Variants in NGLY1 observed in about 807,000 individuals in gnomAD.
NGLY1 encodes the protein peptide-N(4)-(N-acetyl-beta-glucosaminyl)asparagine amidase.
Under a neutral mutation model 84.6 loss-of-function variants are expected in NGLY1, and 68 were observed. The observed-to-expected ratio is 0.80, with a 90% CI of 0.66 to 0.98. NGLY1 has a LOEUF of 0.98. Ranked by LOEUF, NGLY1 falls within the 50% of genes least tolerant of loss-of-function variation. The pLI, the probability that NGLY1 is intolerant of heterozygous loss-of-function variation, is 0.00. For synonymous variants in NGLY1, 280 were observed against 275.2 expected, an observed-to-expected ratio of 1.02 and a Z score of -0.17; for missense variants, 779 against 770.2, an observed-to-expected ratio of 1.01 and a Z score of -0.14.
At position 25,764,299 on chromosome 3, in the gene NGLY1, G is replaced by C. The variant is rs765056703; in HGVS notation, c.259C>G (p.Leu87Val). 29 of 1,613,052 alleles carry C rather than the reference G, an allele frequency of 1.8e-5. No homozygotes were observed. The highest frequency in any genetic ancestry group is 2.4e-5 in the Non-Finnish European group (28 of 1,179,708). ...EMGFEEGETH[L>V]IFPKKASVEQ... ...ACTGAAGCTTTTTTAGGAAAGATGA[G>C]ATGTGTTTCTCCCTGGAATTTATAA... The change falls in exon 3 of 12, where the codon CTC (leucine) becomes GTC (valine). Residue 87 changes from leucine to valine, a missense_variant. Leu to Val is a conservative substitution (Grantham distance 32). Transcript: ENST00000280700.
intron 2 of NGLY1, among the ~76,000 whole-genome samples, chr3:25,772,047 T>C (rs762477723): frequency 2.0e-5 from 3 of 152,220 alleles, no homozygotes; most frequent in African/African-American, 4.8e-5. Flanking sequence ...CTGCTCTGGC[T>C]AGGACTTCCA....
intron 10 of NGLY1, among the ~76,000 whole-genome samples, chr3:25,728,884 T>A (rs1705396989): frequency 6.6e-6 from 1 of 152,092 alleles, no homozygotes; most frequent in Admixed American, 6.6e-5. Flanking sequence ...CATTTGATTA[T>A]TTTTTCCCAT....
Position 25,729,306 on chromosome 3 carries a change from A to G in NGLY1, c.1438T>C (p.Leu480=). ...GEMGLQRKET[L]FIPCENEKIS... ...TTCTCATTTTCACAGGGAATAAACAAGGTTTCTTTTCTCTTAAAAAGAAAG... is the reference window on the plus strand; with the variant it reads ...TTCTCATTTTCACAGGGAATAAACAGGGTTTCTTTTCTCTTAAAAAGAAAG... The change falls in exon 10 of 12, where the codon TTG becomes CTG. Residue 480 remains leucine (L), a synonymous_variant. Transcript: ENST00000280700. The G allele has an allele frequency of 7.1e-7, 1 of 1,403,702 alleles. No individual in the cohort carries two copies. Among genetic ancestry groups the G allele is most frequent in the Non-Finnish European group, 9.4e-7 (1 of 1,065,430 alleles). 87.0% of individuals were successfully genotyped at this position (1,403,702 alleles called of 1,614,324 possible). A position where few individuals can be genotyped will look rare whatever the true frequency, so the allele number is the denominator to read the frequency against.
intron 3 of NGLY1, among the ~76,000 whole-genome samples, chr3:25,762,881 G>C (rs1486141298): frequency 2.0e-5 from 3 of 152,164 alleles, no homozygotes; most frequent in African/African-American, 4.8e-5. Flanking sequence ...TTGAACCCAG[G>C]AGGTGGGGGT....
intron 2 of NGLY1, 40 bp from the exon 3 acceptor site, chr3:25,764,351 T>G: frequency 6.3e-7 from 1 of 1,588,684 alleles, no homozygotes; most frequent in Non-Finnish European, 8.6e-7. Flanking sequence ...AACCTTTGCT[T>G]TATGCAGTCA....
intron 3 of NGLY1, among the ~76,000 whole-genome samples, chr3:25,758,902 G>C (rs930303869): frequency 3.9e-5 from 6 of 152,136 alleles, no homozygotes; most frequent in Non-Finnish European, 8.8e-5. Context: ...AGAGCTTAAA[G>C]GTAAAGCTCT....
At chr3:25,779,110 T>C (rs1380207689) in intron 1 of NGLY1, among the ~76,000 whole-genome samples, 1 of 151,806 alleles carries the variant, frequency 6.6e-6, no homozygotes, top group Admixed American at 6.6e-5. Flanking sequence ...TAATTTTGCA[T>C]TTTTTAAGTA....
rs115588724 is a variant in NGLY1 at position 25,750,621 on chromosome 3, T to C, written c.658+477A>G. ...AATGTACACTTAAAAATGGGTAAGATGGTAAATTTTGTTATATGTATTTTA... is the reference window on the plus strand; with the variant it reads ...AATGTACACTTAAAAATGGGTAAGACGGTAAATTTTGTTATATGTATTTTA... On this transcript the variant is annotated intron_variant, in intron 4 of 11. Coordinates refer to ENST00000280700, the MANE Select transcript of NGLY1 (RefSeq NM_018297.4). 3.8e-3 allele frequency among the ~76,000 whole-genome samples: 578 copies of C among 152,240 alleles called. 3 individuals carry two copies. The highest frequency in any genetic ancestry group is 0.014 in the African/African-American group (562 of 41,528).
chr3:25,766,696 T>G (rs1419291819), intron 2 of NGLY1, among the ~76,000 whole-genome samples: 1 of 152,126 alleles, frequency 6.6e-6, no homozygotes, highest in East Asian at 1.9e-4. Context: ...TGAAGGCATC[T>G]GATCTCATAA....
At chr3:25,745,135 T>C (rs911886252) in intron 4 of NGLY1, among the ~76,000 whole-genome samples, 2 of 152,214 alleles carry the variant, frequency 1.3e-5, no homozygotes, top group Admixed American at 6.5e-5. Context: ...CGCCATCCAA[T>C]AGAATTTTCA....
At chr3:25,729,071 A>T (rs1705406396) in intron 10 of NGLY1, 62 bp downstream of exon 10, 6 of 1,117,064 alleles carry the variant, frequency 5.4e-6, no homozygotes, top group Non-Finnish European at 7.1e-6. Context: ...TGAAAAATGA[A>T]GCCAATCTAT....
intron 2 of NGLY1, among the ~76,000 whole-genome samples, chr3:25,776,876 C>G (rs2932012): frequency 6.6e-6 from 1 of 151,994 alleles, no homozygotes; most frequent in Non-Finnish European, 1.5e-5. Flanking sequence ...TACCTAACAT[C>G]TGTAATGCAC....
intron 7 of NGLY1, 74 bp from the exon 8 acceptor site, chr3:25,734,056 T>C: frequency 2.6e-6 from 4 of 1,554,450 alleles, no homozygotes; most frequent in South Asian, 1.2e-5. Flanking sequence ...ATACCTAGAA[T>C]GTATGTAATT....
intron 5 of NGLY1, among the ~76,000 whole-genome samples, chr3:25,738,499 C>T (rs1705955907): frequency 6.6e-6 from 1 of 152,044 alleles, no homozygotes; most frequent in Admixed American, 6.6e-5. Flanking sequence ...AGGTCAGCCA[C>T]GTGCTTTGGA....
chr3:25,741,130 TAAA>T (rs376282084), intron 4 of NGLY1, among the ~76,000 whole-genome samples: 5 of 105,630 alleles, frequency 4.7e-5, no homozygotes, highest in Non-Finnish European at 5.9e-5. Context: ...TCTGTCTCAT[TAAA>T]AAAAAAAAAA....
intron 3 of NGLY1, among the ~76,000 whole-genome samples, chr3:25,752,429 C>A (rs986377402): frequency 6.6e-6 from 1 of 151,976 alleles, no homozygotes; most frequent in Non-Finnish European, 1.5e-5. Flanking sequence ...ACCATATTGG[C>A]CAGGCTGGTC....
intron 3 of NGLY1, among the ~76,000 whole-genome samples, chr3:25,763,135 A>C (rs551335845): frequency 1.4e-4 from 22 of 152,284 alleles, no homozygotes; most frequent in African/African-American, 5.1e-4. Flanking sequence ...AAAAGAAAAA[A>C]ACAAAACAAA....
chr3:25,779,462 A>G (rs975214834), intron 1 of NGLY1, among the ~76,000 whole-genome samples: 1 of 152,214 alleles, frequency 6.6e-6, no homozygotes, highest in African/African-American at 2.4e-5. Flanking sequence ...CCCTCAGAAC[A>G]TAGTTTAGGA....
intron 3 of NGLY1, among the ~76,000 whole-genome samples, chr3:25,752,233 AT>A (rs1211308079): frequency 6.6e-6 from 1 of 151,946 alleles, no homozygotes; most frequent in African/African-American, 2.4e-5. Flanking sequence ...TATTATTATT[AT>A]TTTTTTGAGA....
Sources: allele counts gnomAD v4.1 joint callset (sites outside exome capture counted in the v4.1 genomes callset), GRCh38; gene constraint gnomAD v4.1.1; transcripts MANE v1.5; gene names NCBI Gene and HGNC (gene_info 2026-07-23, HGNC 2026-07-21).